RNF220: variants seen among roughly 807,000 people sequenced by gnomAD.
RNF220 encodes the protein E3 ubiquitin-protein ligase RNF220.
In RNF220, 7 loss-of-function variants were observed where a neutral mutation model predicts 67.1. The ratio of observed to expected loss-of-function variants is 0.10; its 90% CI spans 0.06 to 0.20. The LOEUF is 0.20. Ranked by LOEUF, RNF220 falls within the 10% of genes least tolerant of loss-of-function variation. The pLI is 1.00. For synonymous variants in RNF220, 270 were observed against 283.2 expected (o/e 0.95, Z 0.47); for missense variants, 565 against 740.3 (o/e 0.76, Z 2.75).
Position 44,549,609 on chromosome 1 carries a change from C to G in RNF220, c.626-64556C>G, listed in dbSNP as rs12566533. Among the ~76,000 whole-genome samples, 5 of 152,220 alleles carry G rather than the reference C, an allele frequency of 3.3e-5. No individual in the cohort carries two copies. In the East Asian group the frequency reaches 9.7e-4, roughly 29 times the overall value. On this transcript the variant is annotated intron_variant, in intron 2 of 14. Transcript: ENST00000361799. ...GCCTGATGTCTCTTCCCTCCCAGTT[C>G]TGCTTCCCCATTCTAGTGACCCCTT...
intron 2 of RNF220, among the ~76,000 whole-genome samples, chr1:44,518,612 C>G (rs887715977): frequency 6.6e-6 from 1 of 152,134 alleles, no homozygotes; most frequent in East Asian, 1.9e-4. Context: ...CGCGGTGGCT[C>G]ACACCTGTAA....
rs76157997 is a variant in RNF220, at chr1:44,453,781, A to G, written c.625+41059A>G. Among the ~76,000 whole-genome samples, 1,083 of 152,262 alleles carry G rather than the reference A, an allele frequency of 7.1e-3. 4 individuals are homozygous for G. The highest frequency in any genetic ancestry group is 0.024 in the Middle Eastern group (7 of 292). The stretch of plus-strand genomic sequence containing the variant: ...TGTCTATTTTTTATATTGGAGCAAT[A>G]TTAGTTTAGTGCAATGGTTCTCAAA... On this transcript the variant is annotated intron_variant, in intron 2 of 14. Transcript: ENST00000361799.
chr1:44,590,468 G>A (rs1158512251), intron 2 of RNF220, among the ~76,000 whole-genome samples: 1 of 152,204 alleles, frequency 6.6e-6, no homozygotes, highest in East Asian at 1.9e-4. Flanking sequence ...CTTCCTCAGA[G>A]CTCTCATGGC....
chr1:44,487,902 A>G (rs1656461333), intron 2 of RNF220, among the ~76,000 whole-genome samples: 1 of 151,048 alleles, frequency 6.6e-6, no homozygotes. Context: ...ATAAATATAA[A>G]AATAAATAAA....
intron 2 of RNF220, among the ~76,000 whole-genome samples, chr1:44,601,045 T>C (rs1236732655): frequency 6.6e-6 from 1 of 152,202 alleles, no homozygotes; most frequent in African/African-American, 2.4e-5. Context: ...TGTTATTGCA[T>C]CTGTTCTCTC....
intron 2 of RNF220, among the ~76,000 whole-genome samples, chr1:44,427,296 A>G (rs1649888378): frequency 6.6e-6 from 1 of 152,246 alleles, no homozygotes; most frequent in Non-Finnish European, 1.5e-5. Context: ...CGAGGTAACA[A>G]GAATAATACT....
At chr1:44,529,528 C>T (rs1218069774) in intron 2 of RNF220, among the ~76,000 whole-genome samples, 1 of 152,100 alleles carries the variant, frequency 6.6e-6, no homozygotes, top group East Asian at 1.9e-4. Flanking sequence ...GCAAGTGCCA[C>T]CACACCCAGT....
At chr1:44,549,223 A>G (rs1430997438) in intron 2 of RNF220, among the ~76,000 whole-genome samples, 1 of 152,172 alleles carries the variant, frequency 6.6e-6, no homozygotes, top group African/African-American at 2.4e-5. Context: ...AACAGCTATG[A>G]TGTAGCATTG....
At chr1:44,582,404 C>T (rs1665355994) in intron 2 of RNF220, among the ~76,000 whole-genome samples, 3 of 152,062 alleles carry the variant, frequency 2.0e-5, no homozygotes, top group African/African-American at 4.8e-5. Context: ...AATGGGTGCC[C>T]AGTGATGCAG....
intron 2 of RNF220, among the ~76,000 whole-genome samples, chr1:44,428,938 C>T (rs1007446862): frequency 6.6e-6 from 1 of 151,916 alleles, no homozygotes. Context: ...ACCCTCCAAC[C>T]CACTCCTGCC....
intron 2 of RNF220, among the ~76,000 whole-genome samples, chr1:44,584,412 C>T (rs920494313): frequency 6.6e-6 from 1 of 152,202 alleles, no homozygotes; most frequent in African/African-American, 2.4e-5. Context: ...TCATTAACCT[C>T]GTAGGGATTA....
intron 2 of RNF220, among the ~76,000 whole-genome samples, chr1:44,597,467 TGCAC>T: frequency 2.1e-5 from 1 of 47,654 alleles, no homozygotes; most frequent in South Asian, 6.6e-4. Context: ...CTCTCTCTCA[TGCAC>T]ACACACACAC....
At chr1:44,426,514 G>A (rs1378497181) in intron 2 of RNF220, among the ~76,000 whole-genome samples, 1 of 152,108 alleles carries the variant, frequency 6.6e-6, no homozygotes, top group Non-Finnish European at 1.5e-5. Context: ...ATCACCTAAG[G>A]TCAGGAGTTC....
chr1:44,468,620 T>C (rs932435026), intron 2 of RNF220, among the ~76,000 whole-genome samples: 4 of 152,124 alleles, frequency 2.6e-5, no homozygotes, highest in Non-Finnish European at 4.4e-5. Context: ...CCATGTAGAA[T>C]AGAATTCTTT....
chr1:44,571,318 C>T (rs1664427551), intron 2 of RNF220, among the ~76,000 whole-genome samples: 2 of 152,180 alleles, frequency 1.3e-5, no homozygotes, highest in African/African-American at 4.8e-5. Flanking sequence ...ACTCCTCCTT[C>T]GCAGATCCTC....
intron 2 of RNF220, among the ~76,000 whole-genome samples, chr1:44,463,894 C>T (rs1450557568): frequency 6.6e-6 from 1 of 152,184 alleles, no homozygotes; most frequent in Admixed American, 6.5e-5. Context: ...CTTTCCTTTT[C>T]CACAGGGTAA....
intron 2 of RNF220, among the ~76,000 whole-genome samples, chr1:44,547,472 C>T (rs779366315): frequency 1.2e-4 from 19 of 152,130 alleles, no homozygotes; most frequent in Non-Finnish European, 2.8e-4. Context: ...ACTTTTCTCT[C>T]TCGGCATCTC....
Position 44,632,403 on chromosome 1 carries a change from C to CCAGCCCA in RNF220, c.949+19_949+20insAGCCCAC. On this transcript the variant is annotated intron_variant, in intron 6 of 14. Coordinates refer to ENST00000361799, the MANE Select transcript of RNF220 (RefSeq NM_018150.4). ...ACTGAATGGTGAGTCCTGCCCGGCC[C>CCAGCCCA]CTCCCTCCGCCCCACCCCCGGCCTC... The CCAGCCCA allele has an allele frequency of 1.2e-6, 2 of 1,604,542 alleles. No individual in the cohort carries two copies. The highest frequency in any genetic ancestry group is 8.5e-7 in the Non-Finnish European group (1 of 1,175,146).
At chr1:44,575,551 G>T (rs1380926997) in intron 2 of RNF220, among the ~76,000 whole-genome samples, 1 of 152,144 alleles carries the variant, frequency 6.6e-6, no homozygotes, top group South Asian at 2.1e-4. Context: ...ATGAAAAAAT[G>T]CTGAGCATCA....
Sources: allele counts gnomAD v4.1 joint callset (sites outside exome capture counted in the v4.1 genomes callset), GRCh38; gene constraint gnomAD v4.1.1; transcripts MANE v1.5; gene names NCBI Gene and HGNC (gene_info 2026-07-23, HGNC 2026-07-21).